The following FSHR variants were observed in gnomAD, a reference collection of about 807,000 sequenced individuals.
The protein encoded by FSHR is follicle stimulating hormone receptor.
Under a neutral mutation model 52.1 loss-of-function variants are expected in FSHR, and 46 were observed. That is an observed-to-expected ratio of 0.88 (90% CI 0.70 to 1.13). The LOEUF (loss-of-function observed/expected upper bound fraction) is 1.13. Among genes scored for constraint, FSHR ranks in the 50% most tolerant of loss-of-function variants. The pLI, the probability that FSHR is intolerant of heterozygous loss-of-function variation, is 0.00. For synonymous variants in FSHR, 399 were observed against 309.6 expected (o/e 1.29, Z -3.03); for missense variants, 964 against 834.6 (o/e 1.16, Z -1.91).
At chr2:49,027,428 A>G (rs1667944709) in intron 2 of FSHR, among the ~76,000 whole-genome samples, 1 of 152,202 alleles carries the variant, frequency 6.6e-6, no homozygotes, top group African/African-American at 2.4e-5. Context: ...GAAAATAGTG[A>G]AGTGGAAGCT....
chr2:49,092,414 A>G (rs1239431924), intron 1 of FSHR, among the ~76,000 whole-genome samples: 1 of 152,212 alleles, frequency 6.6e-6, no homozygotes, highest in Non-Finnish European at 1.5e-5. Flanking sequence ...CTATGTGAAT[A>G]GAAGTTGTGA....
At chr2:49,015,878 C>T (rs186776468) in intron 4 of FSHR, among the ~76,000 whole-genome samples, 12 of 152,270 alleles carry the variant, frequency 7.9e-5, no homozygotes, top group Admixed American at 3.9e-4. Context: ...CCTCTGAGTG[C>T]GGGGGCCCTC....
At chr2:49,116,356 A>C (rs866365459) in intron 1 of FSHR, among the ~76,000 whole-genome samples, 6 of 152,166 alleles carry the variant, frequency 3.9e-5, no homozygotes, top group Non-Finnish European at 5.9e-5. Context: ...GAAGGCTCTG[A>C]CACTTGCGTT....
At chr2:48,994,818 A>C (rs1675950369) in intron 4 of FSHR, among the ~76,000 whole-genome samples, 1 of 152,156 alleles carries the variant, frequency 6.6e-6, no homozygotes, top group African/African-American at 2.4e-5. Context: ...CTTTTAAAGA[A>C]AGGTAACTGA....
chr2:49,135,982 C>T (rs1672474205), intron 1 of FSHR, among the ~76,000 whole-genome samples: 1 of 151,566 alleles, frequency 6.6e-6, no homozygotes, highest in East Asian at 1.9e-4. Context: ...AGAAAATCTA[C>T]ATAAAAGTCG....
At position 49,020,174 on chromosome 2, in the gene FSHR, A is replaced by T. The variant is rs556289091; in HGVS notation, c.225-14T>A. On this transcript the variant is annotated splice_polypyrimidine_tract_variant and intron_variant, in intron 2 of 9. Coordinates refer to ENST00000406846, the MANE Select transcript of FSHR (RefSeq NM_000145.4). ...TGAGAGATCTCTCTGTGGAGAAAAA[A>T]ATATATAAGTCAAGCCAGTTCAGTT... 8.1e-6 allele frequency: 13 copies of T among 1,605,968 alleles called. No individual in the cohort carries two copies. The South Asian group carries it at 1.3e-4, about 16-fold the overall frequency.
At chr2:48,987,837 AAC>A (rs72108367) in intron 6 of FSHR, among the ~76,000 whole-genome samples, 102,031 of 145,960 alleles carry the variant, frequency 0.7, 38,313 homozygotes, top group Non-Finnish European at 0.83. Context: ...ACCTCATCTC[AAC>A]ACACACACAC....
intron 2 of FSHR, among the ~76,000 whole-genome samples, chr2:49,062,548 A>C (rs1188726941): frequency 6.6e-6 from 1 of 152,076 alleles, no homozygotes; most frequent in Admixed American, 6.6e-5. Context: ...CAGGAAATAA[A>C]AGGAAAAACA....
chr2:49,040,344 A>T (rs185670732), intron 2 of FSHR, among the ~76,000 whole-genome samples: 2 of 152,120 alleles, frequency 1.3e-5, no homozygotes, highest in African/African-American at 4.8e-5. Flanking sequence ...GTACCTCCCT[A>T]TCCTTCTAAC....
At chr2:48,998,129 A>G (rs1559117785) in intron 4 of FSHR, among the ~76,000 whole-genome samples, 1 of 150,464 alleles carries the variant, frequency 6.6e-6, no homozygotes, top group African/African-American at 2.4e-5. Context: ...TGACTTATAC[A>G]TTTTTTTTTC....
At chr2:49,034,954 G>A (rs1393514244) in intron 2 of FSHR, among the ~76,000 whole-genome samples, 2 of 152,204 alleles carry the variant, frequency 1.3e-5, no homozygotes, top group Non-Finnish European at 2.9e-5. Context: ...CAGCAAAGGT[G>A]TTTTATTTTA....
chr2:49,117,325 G>C (rs1671639313), intron 1 of FSHR, among the ~76,000 whole-genome samples: 1 of 152,102 alleles, frequency 6.6e-6, no homozygotes, highest in Non-Finnish European at 1.5e-5. Flanking sequence ...TGTCATTAGG[G>C]GGAACCTCTC....
At chr2:49,116,082 C>A (rs112847109) in intron 1 of FSHR, among the ~76,000 whole-genome samples, 1 of 152,034 alleles carries the variant, frequency 6.6e-6, no homozygotes, top group African/African-American at 2.4e-5. Context: ...AAGATCTTGG[C>A]ATTTTTTTTA....
At chr2:49,078,622 TAAAAG>T (rs1256183751) in intron 1 of FSHR, among the ~76,000 whole-genome samples, 1 of 141,746 alleles carries the variant, frequency 7.1e-6, no homozygotes, top group African/African-American at 3.1e-5. Context: ...ATAAATAAAT[TAAAAG>T]AGAAAAAGCC....
rs142585650 is a variant in FSHR, at chr2:49,128,951, A to G, written c.152+25315T>C. Reference sequence around the variant, plus strand: ...GAAATTTTAGACCAGAAAATTTAACATCACTCTATTATTTTCTCACAATCC... The same window carrying G: ...GAAATTTTAGACCAGAAAATTTAACGTCACTCTATTATTTTCTCACAATCC... On this transcript the variant is annotated intron_variant, in intron 1 of 9. Coordinates refer to ENST00000406846, the MANE Select transcript of FSHR (RefSeq NM_000145.4). Among the ~76,000 whole-genome samples, 23 of 152,268 alleles carry G rather than the reference A, an allele frequency of 1.5e-4. 1 individual carries two copies. In the East Asian group the frequency reaches 4.4e-3, roughly 29 times the overall value.
intron 1 of FSHR, among the ~76,000 whole-genome samples, chr2:49,130,648 G>A (rs1371988109): frequency 6.6e-6 from 1 of 152,164 alleles, no homozygotes; most frequent in Non-Finnish European, 1.5e-5. Flanking sequence ...GACTTTTGTA[G>A]CTTTACATCT....
At chr2:49,033,666 C>T (rs1216695797) in intron 2 of FSHR, among the ~76,000 whole-genome samples, 3 of 152,094 alleles carry the variant, frequency 2.0e-5, no homozygotes, top group South Asian at 2.1e-4. Context: ...CACCCTGCAT[C>T]CCTGGGCCCC....
chr2:49,065,175 T>C (rs933521176), intron 2 of FSHR, among the ~76,000 whole-genome samples: 1 of 152,052 alleles, frequency 6.6e-6, no homozygotes, highest in South Asian at 2.1e-4. Context: ...TGGTGGGAAA[T>C]AAAGGGTTTT....
intron 3 of FSHR, among the ~76,000 whole-genome samples, chr2:49,019,253 A>G (rs1667608062): frequency 6.6e-6 from 1 of 152,174 alleles, no homozygotes. Context: ...TATTTACCTA[A>G]TATTTCCTAA....
Sources: gnomAD v4.1 joint callset for allele counts (sites outside exome capture counted in the v4.1 genomes callset) on GRCh38, gnomAD v4.1.1 for gene constraint, MANE v1.5 for transcripts, NCBI Gene and HGNC (gene_info 2026-07-23, HGNC 2026-07-21) for gene names.